RNF128: variants seen among roughly 807,000 people sequenced by gnomAD.
The protein encoded by RNF128 is ring finger protein 128.
In RNF128, 13 loss-of-function variants were observed where a neutral mutation model predicts 26.2. That is an observed-to-expected ratio of 0.50 (90% CI 0.32 to 0.79). The LOEUF is 0.79. RNF128 is among the 30% of genes least tolerant of loss of function. The pLI is 0.03. For synonymous variants in RNF128, 149 were observed against 142.5 expected, an observed-to-expected ratio of 1.05 and a Z score of -0.32; for missense variants, 315 against 349.7, an observed-to-expected ratio of 0.90 and a Z score of 0.79.
At chrX:106,742,455 A>G (rs1371290405) in intron 1 of RNF128, among the ~76,000 whole-genome samples, 1 of 111,368 alleles carries the variant, frequency 9.0e-6, no homozygotes, top group Non-Finnish European at 1.9e-5. Flanking sequence ...CACCCCAGAC[A>G]TACTGAATGA....
chrX:106,796,888 A>G lies in RNF128; in HGVS notation c.*1175A>G, dbSNP rs948225159. 6 of 112,369 alleles carry G rather than the reference A, an allele frequency of 5.3e-5. No homozygotes were observed. The highest frequency in any genetic ancestry group is 1.1e-4 in the Non-Finnish European group (6 of 53,146). The allele number at this position is 112,369 out of a possible 1,213,427, so 9.3% of individuals were successfully genotyped here. On this transcript the variant is annotated 3_prime_UTR_variant, in exon 7 of 7. Transcript: ENST00000255499. ...ACATGTATTTTTGTTTGCTGAATGG[A>G]TGAAACCATTGCATTCTTGTACACT...
intron 2 of RNF128, among the ~76,000 whole-genome samples, chrX:106,777,439 TTAGA>T (rs1393802108): frequency 8.9e-6 from 1 of 112,208 alleles, no homozygotes; most frequent in Non-Finnish European, 1.9e-5. Context: ...TCTGCAAGTA[TTAGA>T]TAGACTTGTG....
At chrX:106,782,416 G>A (rs1206116079) in intron 2 of RNF128, among the ~76,000 whole-genome samples, 2 of 111,870 alleles carry the variant, frequency 1.8e-5, no homozygotes, top group African/African-American at 6.5e-5. Flanking sequence ...GACCCTGTAG[G>A]CATACAGGTG....
chrX:106,766,756 T>G (rs1930255352), intron 1 of RNF128, among the ~76,000 whole-genome samples: 1 of 112,164 alleles, frequency 8.9e-6, no homozygotes, highest in African/African-American at 3.2e-5. Context: ...TTGTTGCCAT[T>G]GCTTTTGGTG....
chrX:106,747,017 T>C (rs1345821688), intron 1 of RNF128, among the ~76,000 whole-genome samples: 1 of 111,794 alleles, frequency 8.9e-6, no homozygotes, highest in African/African-American at 3.2e-5. Flanking sequence ...TTAACTACTC[T>C]TGATGACTAA....
Position 106,770,697 on chromosome X carries a change from C to T in RNF128, c.485-2216C>T, listed in dbSNP as rs1333111339. ...CTTCTTTGCGATGGGTTCGAACATC[C>T]TCCTTTAGTTCAGAGAAGTTTGTTA... is the stretch of plus-strand genomic sequence containing the variant. On this transcript the variant is annotated intron_variant, in intron 1 of 6. Transcript: ENST00000255499. 2.7e-5 allele frequency among the ~76,000 whole-genome samples: 3 copies of T among 111,699 alleles called. No homozygotes were observed. The Admixed American group carries it at 2.9e-4, about 11-fold the overall frequency.
intron 1 of RNF128, among the ~76,000 whole-genome samples, chrX:106,748,852 G>T (rs1287188670): frequency 9.0e-6 from 1 of 111,396 alleles, no homozygotes; most frequent in Non-Finnish European, 1.9e-5. Flanking sequence ...TAATACAGTA[G>T]TGAATAACTT....
intron 1 of RNF128, among the ~76,000 whole-genome samples, chrX:106,755,782 A>G (rs1008937374): frequency 9.0e-6 from 1 of 111,196 alleles, no homozygotes; most frequent in African/African-American, 3.3e-5. Flanking sequence ...TTAGGAAAAG[A>G]GGAAGTCAAA....
chrX:106,732,054 C>T (rs1322982323), intron 1 of RNF128, among the ~76,000 whole-genome samples: 2 of 111,484 alleles, frequency 1.8e-5, no homozygotes, highest in Non-Finnish European at 3.8e-5. Context: ...CTTTATATGT[C>T]TCTTCTTTCA....
chrX:106,704,648 T>C (rs1399702824), intron 1 of RNF128, among the ~76,000 whole-genome samples: 1 of 110,842 alleles, frequency 9.0e-6, no homozygotes, highest in African/African-American at 3.3e-5. Context: ...GAGGAAAGTA[T>C]ACAAGTTAAA....
chrX:106,788,305 C>A (rs1342812613), intron 4 of RNF128, among the ~76,000 whole-genome samples: 2 of 53,202 alleles, frequency 3.8e-5, no homozygotes, highest in Non-Finnish European at 6.5e-5. Context: ...AGTATATATA[C>A]TATATAATAT....
chrX:106,732,885 T>C (rs1929524093), intron 1 of RNF128, among the ~76,000 whole-genome samples: 1 of 111,366 alleles, frequency 9.0e-6, no homozygotes, highest in South Asian at 3.8e-4. Context: ...CCATTGAACA[T>C]GTTGGTGAAT....
chrX:106,787,506 A>T (rs945142625), intron 3 of RNF128, among the ~76,000 whole-genome samples: 1 of 111,126 alleles, frequency 9.0e-6, no homozygotes, highest in Non-Finnish European at 1.9e-5. Context: ...CTATATCTTG[A>T]TTGTGATAAG....
chrX:106,784,994 C>T (rs1930629797), intron 2 of RNF128, 71 bp from the exon 3 acceptor site: 5 of 726,991 alleles, frequency 6.9e-6, no homozygotes, highest in South Asian at 3.0e-5. Flanking sequence ...TTTATTGATC[C>T]TCTCTATCTT....
intron 1 of RNF128, among the ~76,000 whole-genome samples, chrX:106,737,031 T>G (rs1929611991): frequency 9.0e-6 from 1 of 111,499 alleles, no homozygotes; most frequent in Admixed American, 9.6e-5. Flanking sequence ...ATTCAGTTTC[T>G]GTGTCATGTT....
chrX:106,755,611 TAAATC>T (rs1929991775), intron 1 of RNF128, among the ~76,000 whole-genome samples: 1 of 111,702 alleles, frequency 9.0e-6, no homozygotes, highest in Admixed American at 9.5e-5. Context: ...TAGTTATACA[TAAATC>T]AATCAATGTC....
At chrX:106,773,282 A>G in intron 2 of RNF128, 122 bp downstream of exon 2, 1 of 704,894 alleles carries the variant, frequency 1.4e-6, no homozygotes, top group Non-Finnish European at 2.1e-6. Context: ...GTTTTACAAA[A>G]TCTGGTAGTT....
intron 6 of RNF128, among the ~76,000 whole-genome samples, chrX:106,791,869 A>C (rs1930832594): frequency 9.0e-6 from 1 of 111,205 alleles, no homozygotes; most frequent in Admixed American, 9.6e-5. Flanking sequence ...CCCCTATAAA[A>C]ATTATTTTCC....
intron 1 of RNF128, among the ~76,000 whole-genome samples, chrX:106,747,997 GAATGAAATT>G (rs1283288415): frequency 9.0e-6 from 1 of 111,461 alleles, no homozygotes; most frequent in African/African-American, 3.3e-5. Context: ...AACACTTAAT[GAATGAAATT>G]AAGAGTACTG....
Sources: allele counts gnomAD v4.1 joint callset (sites outside exome capture counted in the v4.1 genomes callset), GRCh38; gene constraint gnomAD v4.1.1; transcripts MANE v1.5; gene names NCBI Gene and HGNC (gene_info 2026-07-23, HGNC 2026-07-21).